The following CLEC18A variants were observed in gnomAD, a reference collection of about 807,000 sequenced individuals.
CLEC18A encodes the protein mannose receptor-like 1.
CLEC18A carries 5 observed loss-of-function variants against 24.0 expected under a neutral mutation model. The observed-to-expected ratio is 0.21, with a 90% confidence interval of 0.11 to 0.44. The LOEUF (loss-of-function observed/expected upper bound fraction) is 0.44. CLEC18A is among the 20% of genes least tolerant of loss of function. The pLI is 0.99. For synonymous variants in CLEC18A, 29 were observed against 100.1 expected, an observed-to-expected ratio of 0.29 and a Z score of 4.24; for missense variants, 83 against 233.4, an observed-to-expected ratio of 0.36 and a Z score of 4.20.
In CLEC18A at chr16:69,954,617, C is replaced by T. The variant is rs374226494; in HGVS notation, c.456+44C>T. The T allele has an allele frequency of 3.8e-5, 61 of 1,604,796 alleles. No homozygotes were observed. In the African/African-American group the frequency reaches 6.7e-4, roughly 18 times the overall value. On this transcript the variant is annotated intron_variant, in intron 3 of 11. Coordinates refer to ENST00000288040, the MANE Select transcript of CLEC18A (RefSeq NM_001370523.4). ...AGGCCAGTGTGCCAGCTCCCAGATA[C>T]AGACTTCCACTGGGCCATCTCAGAA...
At chr16:69,955,916 C>T (rs2059028102) in intron 3 of CLEC18A, among the ~76,000 whole-genome samples, 2 of 152,000 alleles carry the variant, frequency 1.3e-5, no homozygotes, top group Admixed American at 6.5e-5. Context: ...ATATTTAATA[C>T]CTCTACTACC....
upstream of CLEC18A, among the ~76,000 whole-genome samples, chr16:69,946,702 C>A (rs1423676202): frequency 2.0e-5 from 3 of 149,798 alleles, no homozygotes; most frequent in Non-Finnish European, 4.4e-5. Context: ...CTGTGCCTGG[C>A]CATGTGTGGA....
chr16:69,943,924 T>A, the CLEC18A span, among the ~76,000 whole-genome samples: 1 of 135,354 alleles, frequency 7.4e-6, no homozygotes, highest in African/African-American at 2.5e-5. Flanking sequence ...AACAGCAACC[T>A]CAGAAGAACA....
At chr16:69,945,436 A>G in the CLEC18A span, among the ~76,000 whole-genome samples, 1 of 152,248 alleles carries the variant, frequency 6.6e-6, no homozygotes, top group Non-Finnish European at 1.5e-5. Context: ...TACATTCTCC[A>G]GTTTTATTCT....
intron 3 of CLEC18A, among the ~76,000 whole-genome samples, chr16:69,958,643 A>G (rs2059060154): frequency 2.5e-5 from 1 of 39,610 alleles, no homozygotes. Flanking sequence ...GAGGCAGGAG[A>G]ATCACATGAA....
upstream of CLEC18A, among the ~76,000 whole-genome samples, chr16:69,946,092 CA>C (rs59668221): frequency 1.7e-3 from 31 of 17,716 alleles, 5 homozygotes; most frequent in African/African-American, 2.3e-3. Context: ...GACTCTGTCT[CA>C]AAAAAAAAAA....
chr16:69,944,999 G>A, the CLEC18A span, among the ~76,000 whole-genome samples: 3 of 145,440 alleles, frequency 2.1e-5, no homozygotes, highest in African/African-American at 2.8e-5. Context: ...AAAATTAGCC[G>A]GGCATGGTGG....
At chr16:69,965,160 T>A (rs867705366), downstream of CLEC18A, among the ~76,000 whole-genome samples, 63 of 151,588 alleles carry the variant, frequency 4.2e-4, no homozygotes, top group African/African-American at 1.2e-3. Context: ...GCGCGGGCAG[T>A]TGTCCTGTGT....
intron 2 of CLEC18A, chr16:69,953,699 C>G (rs1259772478): frequency 1.4e-5 from 2 of 147,928 alleles, no homozygotes; most frequent in African/African-American, 4.9e-5. Flanking sequence ...GCTGTAATCC[C>G]AGCTGCTTGG....
At chr16:69,952,311 A>AC (rs1423702743) in intron 2 of CLEC18A, 185 bp downstream of exon 2, 2 of 243,598 alleles carry the variant, frequency 8.2e-6, no homozygotes, top group Non-Finnish European at 1.3e-5. Flanking sequence ...CAATTTCTTA[A>AC]CCCCCCACCC....
At chr16:69,951,182 CTT>C (rs1418167736), upstream of CLEC18A, 25 of 1,423,652 alleles carry the variant, frequency 1.8e-5, no homozygotes, top group Non-Finnish European at 2.3e-5. Flanking sequence ...GGAGTTGTCT[CTT>C]TTCATGCCAG....
upstream of CLEC18A, among the ~76,000 whole-genome samples, chr16:69,948,677 C>A (rs1693868014): frequency 6.8e-6 from 1 of 146,794 alleles, no homozygotes; most frequent in South Asian, 2.3e-4. Flanking sequence ...TTCTCCAAAC[C>A]CACCCCAGCC....
downstream of CLEC18A, among the ~76,000 whole-genome samples, chr16:69,965,372 GC>G (rs1461286349): frequency 2.0e-5 from 3 of 152,016 alleles, no homozygotes; most frequent in Admixed American, 2.0e-4. Flanking sequence ...CAGCAGCCGC[GC>G]CTCTTCCTCC....
chr16:69,955,217 G>C (rs1160609862), intron 3 of CLEC18A, among the ~76,000 whole-genome samples: 1 of 151,460 alleles, frequency 6.6e-6, no homozygotes, highest in Non-Finnish European at 1.5e-5. Context: ...TGGTCAGGCT[G>C]GTCTCGAACT....
rs1473917755 is a variant in CLEC18A, at chr16:69,954,670, G to A, written c.456+97G>A. ...GGCTACAGTTTGTCCTAAATGTTGG[G>A]ATTCCTTTTCCTCCAATTGGTTTAG... On this transcript the variant is annotated intron_variant, in intron 3 of 11. Coordinates refer to ENST00000288040, the MANE Select transcript of CLEC18A (RefSeq NM_001370523.4). 15 of 1,533,496 alleles carry A rather than the reference G, an allele frequency of 9.8e-6. No individual in the cohort carries two copies. In the Admixed American group the frequency reaches 2.7e-4, roughly 28 times the overall value. 95.0% of individuals were successfully genotyped at this position (1,533,496 alleles called of 1,614,324 possible).
chr16:69,945,672 C>A, the CLEC18A span, among the ~76,000 whole-genome samples: 1 of 152,280 alleles, frequency 6.6e-6, no homozygotes, highest in African/African-American at 2.4e-5. Context: ...ACAACAACAA[C>A]AAAAATCTTT....
At chr16:69,954,034 T>C (rs2058997623) in intron 2 of CLEC18A, among the ~76,000 whole-genome samples, 1 of 138,400 alleles carries the variant, frequency 7.2e-6, no homozygotes, top group Non-Finnish European at 1.6e-5. Flanking sequence ...GCGTGGGCAC[T>C]GCTCACATGA....
chr16:69,964,251 G>C (rs1434563528), downstream of CLEC18A: 1 of 144,412 alleles, frequency 6.9e-6, no homozygotes, highest in African/African-American at 2.5e-5. Flanking sequence ...TCTGGGAGAC[G>C]ACGCGTGTGT....
chr16:69,955,935 T>C (rs1319492358), intron 3 of CLEC18A, among the ~76,000 whole-genome samples: 7 of 152,004 alleles, frequency 4.6e-5, no homozygotes, highest in Non-Finnish European at 8.8e-5. Context: ...CCTGTGCAAG[T>C]GGGTTGTGCA....
Sources: allele counts gnomAD v4.1 joint callset (sites outside exome capture counted in the v4.1 genomes callset), GRCh38; gene constraint gnomAD v4.1.1; transcripts MANE v1.5; gene names NCBI Gene and HGNC (gene_info 2026-07-23, HGNC 2026-07-21).